The following ZXDC variants were observed in gnomAD, a reference collection of about 807,000 sequenced individuals.
The protein encoded by ZXDC is ZXD family zinc finger C.
Under a neutral mutation model 63.6 loss-of-function variants are expected in ZXDC, and 58 were observed. That is an observed-to-expected ratio of 0.91 (90% CI 0.74 to 1.13). The LOEUF (loss-of-function observed/expected upper bound fraction) is 1.13, where lower values mean the gene tolerates loss of function less well. Among genes scored for constraint, ZXDC ranks in the 50% most tolerant of loss-of-function variants. The pLI is 0.00. For synonymous variants in ZXDC, 561 were observed against 496.1 expected (o/e 1.13, Z -1.74); for missense variants, 1,133 against 1,148.9 (o/e 0.99, Z 0.20).
In ZXDC at chr3:126,441,884, C is replaced by T; in HGVS notation, c.2275G>A (p.Ala759Thr). Residue 759 changes from alanine (A) to threonine (T), a missense_variant, in exon 8 of 10, where the codon GCA (alanine) becomes ACA (threonine). Ala to Thr is a moderately conservative substitution (Grantham distance 58, BLOSUM62 0). Transcript: ENST00000389709. ...CCACACAACCAACTGTTCTGGCTTGCATGGAAATGGGGAGGACTCATTTTG... is the reference window on the plus strand; with the variant it reads ...CCACACAACCAACTGTTCTGGCTTGTATGGAAATGGGGAGGACTCATTTTG... ...EGKMSPPHFH[A>T]SQNSWLCGSL... 6.2e-7 allele frequency: 1 copy of T among 1,613,718 alleles called. No homozygotes were observed. Among genetic ancestry groups the T allele is most frequent in the South Asian group, 1.1e-5 (1 of 90,964 alleles).
At chr3:126,449,816 T>C (rs543012898) in intron 7 of ZXDC, among the ~76,000 whole-genome samples, 1 of 152,146 alleles carries the variant, frequency 6.6e-6, no homozygotes, top group African/African-American at 2.4e-5. Context: ...GTGTCTGCCA[T>C]GCAGACTGAA....
intron 7 of ZXDC, chr3:126,457,443 G>C: frequency 2.0e-6 from 2 of 985,408 alleles, no homozygotes; most frequent in Non-Finnish European, 2.4e-6. Flanking sequence ...GGCACCTGGA[G>C]GGGCTTTTCA....
At chr3:126,464,206 A>T (rs1934663012) in intron 5 of ZXDC, among the ~76,000 whole-genome samples, 1 of 152,248 alleles carries the variant, frequency 6.6e-6, no homozygotes. Flanking sequence ...CCAGACATGT[A>T]CAAGGGCCAG....
In ZXDC at chr3:126,462,100, T is replaced by C. The variant is rs1046468261; in HGVS notation, c.1562A>G (p.Asn521Ser). Residue 521 changes from asparagine to serine, a missense_variant, in exon 6 of 10, where the codon AAT becomes AGT. Coordinates refer to ENST00000389709, the MANE Select transcript of ZXDC (RefSeq NM_025112.5). ...LAALFSDTPA[N>S]ASGSAGGSDE... ...CGACCCACCTGCAGAACCACTAGCA[T>C]TGGCAGGTGTGTCAGAGAAGAGTGC... 21 of 1,613,942 alleles carry C rather than the reference T, an allele frequency of 1.3e-5. No individual in the cohort carries two copies. The highest frequency in any genetic ancestry group is 4.0e-5 in the African/African-American group (3 of 74,904).
intron 7 of ZXDC, chr3:126,450,674 C>T (rs1358862219): frequency 1.4e-5 from 5 of 366,174 alleles, no homozygotes; most frequent in Non-Finnish European, 2.2e-5. Context: ...CTTCTGCTTT[C>T]ATCATGGCAG....
At chr3:126,455,660 G>T (rs535686733) in intron 7 of ZXDC, among the ~76,000 whole-genome samples, 2 of 152,294 alleles carry the variant, frequency 1.3e-5, no homozygotes, top group East Asian at 3.9e-4. Context: ...AATAAATGGT[G>T]ATAATATTGA....
Position 126,438,006 on chromosome 3 carries a change from G to C in ZXDC, c.*369C>G. The C allele has an allele frequency of 4.1e-6, 1 of 244,364 alleles. No individual in the cohort carries two copies. Among genetic ancestry groups the C allele is most frequent in the East Asian group, 1.3e-4 (1 of 7,770 alleles). 15.1% of individuals were successfully genotyped at this position (244,364 alleles called of 1,614,324 possible). ...TTTTGCCACAGATCAAGCTGCATCT[G>C]ACTAGACAGCCTGTTCTCTACCCTA... is the stretch of plus-strand genomic sequence containing the variant. On this transcript the variant is annotated 3_prime_UTR_variant, in exon 10 of 10. Transcript: ENST00000389709.
chr3:126,453,770 C>T (rs1196216645), intron 7 of ZXDC: 1 of 975,914 alleles, frequency 1.0e-6, no homozygotes. Flanking sequence ...TCTTGGCTCA[C>T]TGCAACCTCT....
Position 126,438,119 on chromosome 3 carries a change from C to T in ZXDC, c.*256G>A, listed in dbSNP as rs1490781855. 1 of 547,284 alleles carries T rather than the reference C, an allele frequency of 1.8e-6. No individual in the cohort carries two copies. Among genetic ancestry groups the T allele is most frequent in the African/African-American group, 1.9e-5 (1 of 52,756 alleles). The allele number at this position is 547,284 out of a possible 1,614,324, so 33.9% of individuals were successfully genotyped here. On this transcript the variant is annotated 3_prime_UTR_variant, in exon 10 of 10. Coordinates refer to ENST00000389709, the MANE Select transcript of ZXDC (RefSeq NM_025112.5). The stretch of plus-strand genomic sequence containing the variant: ...ACACGGGGAAAGAGGCTGTAGTGCA[C>T]CTAGCCCTGCTGAGGGAGACCCTTG...
At chr3:126,468,815 C>G (rs1934870722) in intron 4 of ZXDC, among the ~76,000 whole-genome samples, 1 of 152,084 alleles carries the variant, frequency 6.6e-6, no homozygotes, top group African/African-American at 2.4e-5. Flanking sequence ...CCCTAGCACT[C>G]CAGGTGACCC....
intron 5 of ZXDC, among the ~76,000 whole-genome samples, chr3:126,465,252 C>A (rs1342006071): frequency 6.6e-6 from 1 of 152,262 alleles, no homozygotes; most frequent in Non-Finnish European, 1.5e-5. Context: ...GAGAATAGGG[C>A]ACATGGGTGT....
chr3:126,464,357 G>A (rs1934668021), intron 5 of ZXDC, among the ~76,000 whole-genome samples: 1 of 152,198 alleles, frequency 6.6e-6, no homozygotes, highest in African/African-American at 2.4e-5. Flanking sequence ...TTTCATCAGT[G>A]ACAAAGCAGT....
intron 7 of ZXDC, chr3:126,459,199 A>G (rs1206961752): frequency 2.0e-5 from 20 of 985,288 alleles, no homozygotes; most frequent in African/African-American, 7.0e-5. Context: ...ACATTTTCAA[A>G]TAAGATTTCA....
intron 6 of ZXDC, chr3:126,460,190 A>T: frequency 1.0e-6 from 1 of 961,998 alleles, no homozygotes; most frequent in Non-Finnish European, 1.2e-6. Flanking sequence ...GGCAGGGGCT[A>T]TACTTTGTCA....
At chr3:126,462,739 C>T (rs883356) in intron 5 of ZXDC, among the ~76,000 whole-genome samples, 92,386 of 152,018 alleles carry the variant, frequency 0.61, 28,619 homozygotes, top group South Asian at 0.74. Context: ...AAACTCTGTG[C>T]TCCACTCCAC....
chr3:126,458,981 C>A, intron 7 of ZXDC: 1 of 980,104 alleles, frequency 1.0e-6, no homozygotes, highest in Non-Finnish European at 1.2e-6. Flanking sequence ...GATATAAAAT[C>A]ATATCAACCC....
intron 8 of ZXDC, chr3:126,441,350 G>C (rs1202828837): frequency 9.8e-7 from 1 of 1,015,934 alleles, no homozygotes; most frequent in Admixed American, 5.8e-5. Flanking sequence ...GGCCGCCCTA[G>C]AAATGGGGTG....
Position 126,438,313 on chromosome 3 carries a change from T to G in ZXDC, c.*62A>C, listed in dbSNP as rs1933539784. 2 of 1,428,992 alleles carry G rather than the reference T, an allele frequency of 1.4e-6. No individual in the cohort carries two copies. The highest frequency in any genetic ancestry group is 2.4e-5 in the East Asian group (1 of 41,374). The allele number at this position is 1,428,992 out of a possible 1,614,324, so 88.5% of individuals were successfully genotyped here. A position where few individuals can be genotyped will look rare whatever the true frequency, so the allele number is the denominator to read the frequency against. On this transcript the variant is annotated 3_prime_UTR_variant, in exon 10 of 10. Transcript: ENST00000389709. ...ATGAGGTCTCCCCAGGCTCATGTCA[T>G]GAGTCTCAGGGAAGGTGTGTCCTAG... is the stretch of plus-strand genomic sequence containing the variant.
rs1429794939 is a variant in ZXDC, at chr3:126,475,515, G to A, written c.351C>T (p.Ala117=). 2.4e-6 allele frequency: 3 copies of A among 1,248,646 alleles called. No homozygotes were observed. Among genetic ancestry groups the A allele is most frequent in the East Asian group, 3.4e-5 (1 of 29,766 alleles). The allele number at this position is 1,248,646 out of a possible 1,614,324, so 77.3% of individuals were successfully genotyped here. The change falls in exon 1 of 10, where the codon GCC becomes GCT. Residue 117 remains alanine (A), a synonymous_variant. Transcript: ENST00000389709. ...CCGGGGCTACGCCAGGGCCGGGGGG[G>A]GCGGCCGGGCCGCTGGGGCCCTGCT... ...RPEQGPSGPA[A]PPGPGVAPAG...
Sources: gnomAD v4.1 joint callset for allele counts (sites outside exome capture counted in the v4.1 genomes callset) on GRCh38, gnomAD v4.1.1 for gene constraint, MANE v1.5 for transcripts, NCBI Gene and HGNC (gene_info 2026-07-23, HGNC 2026-07-21) for gene names.